Variants in HACD3 observed in about 807,000 individuals in gnomAD.
HACD3 encodes the protein 3-hydroxyacyl-CoA dehydratase 3.
A neutral mutation model predicts 55.2 loss-of-function variants in HACD3; 30 were observed. The observed-to-expected ratio is 0.54, with a 90% CI of 0.41 to 0.74. HACD3 has a LOEUF of 0.74. HACD3 is among the 30% of genes least tolerant of loss of function. The probability of loss-of-function intolerance (pLI) is 0.00; values close to 1 mark genes in which losing one functional copy is unlikely to be tolerated. For synonymous variants in HACD3, 141 were observed against 151.7 expected (o/e 0.93, Z 0.52); for missense variants, 363 against 440.1 (o/e 0.82, Z 1.57).
At chr15:65,568,716 A>G (rs2072317995) in intron 7 of HACD3, among the ~76,000 whole-genome samples, 1 of 152,196 alleles carries the variant, frequency 6.6e-6, no homozygotes, top group African/African-American at 2.4e-5. Context: ...CAAAAGGTCG[A>G]GAATATTCTT....
At chr15:65,547,521 ATTGT>A (rs1567333621) in intron 1 of HACD3, among the ~76,000 whole-genome samples, 1 of 152,214 alleles carries the variant, frequency 6.6e-6, no homozygotes, top group African/African-American at 2.4e-5. Flanking sequence ...CATAAATCAC[ATTGT>A]TTGTAGGCAC....
Position 65,554,892 on chromosome 15 carries a change from G to C in HACD3, c.136G>C (p.Gly46Arg). The C allele has an allele frequency of 6.2e-7, 1 of 1,611,154 alleles. No homozygotes were observed. The highest frequency in any genetic ancestry group is 8.5e-7 in the Non-Finnish European group (1 of 1,177,390). The change falls in exon 3 of 11, where the codon GGA becomes CGA. Residue 46 changes from glycine to arginine, a missense_variant. By Grantham distance (125) the Gly-to-Arg change is moderately radical. Coordinates refer to ENST00000261875, the MANE Select transcript of HACD3 (RefSeq NM_016395.4). ...TENVLHFKAQ[G>R]HGAKGDNVYE... ...CCACATTTCTTTCTTTATAGCTCAA[G>C]GACATGGTGCCAAAGGAGACAATGT...
At chr15:65,537,954 AAAAAATATATATAT>A (rs1460735289) in intron 1 of HACD3, among the ~76,000 whole-genome samples, 3 of 8,212 alleles carry the variant, frequency 3.7e-4, no homozygotes, top group African/African-American at 1.1e-3. Flanking sequence ...AAAAAAAAAA[AAAAAATATATATAT>A]ATATATATAT....
chr15:65,569,952 C>T, intron 7 of HACD3, 139 bp from the exon 8 acceptor site: 1 of 514,680 alleles, frequency 1.9e-6, no homozygotes, highest in Non-Finnish European at 3.3e-6. Flanking sequence ...TGTTCCAGAA[C>T]TGGAGCAGGA....
At chr15:65,571,220 AAT>A (rs2072344355) in intron 8 of HACD3, among the ~76,000 whole-genome samples, 2 of 152,218 alleles carry the variant, frequency 1.3e-5, no homozygotes, top group African/African-American at 4.8e-5. Context: ...CTTATCCAGA[AAT>A]AAAGTATCTA....
chr15:65,557,870 T>C (rs1319593044), intron 4 of HACD3, among the ~76,000 whole-genome samples: 2 of 152,158 alleles, frequency 1.3e-5, no homozygotes, highest in Non-Finnish European at 1.5e-5. Flanking sequence ...CCTTTGGTTA[T>C]GTCCTCATCC....
intron 10 of HACD3, among the ~76,000 whole-genome samples, chr15:65,572,837 C>T (rs771140049): frequency 2.0e-5 from 3 of 150,732 alleles, no homozygotes; most frequent in Non-Finnish European, 4.4e-5. Flanking sequence ...ATCGCTTGAA[C>T]CCGGGAGGCA....
At chr15:65,555,814 C>T (rs891565576) in intron 3 of HACD3, among the ~76,000 whole-genome samples, 3 of 152,076 alleles carry the variant, frequency 2.0e-5, no homozygotes, top group African/African-American at 2.4e-5. Context: ...TTTCTAAAAC[C>T]GGGGTCTGCT....
intron 10 of HACD3, chr15:65,574,667 T>G (rs922508429): frequency 3.3e-5 from 5 of 152,190 alleles, no homozygotes; most frequent in African/African-American, 1.2e-4. Context: ...AGATGTACAG[T>G]TAAATAGTAT....
At chr15:65,550,040 G>A (rs551752790) in intron 1 of HACD3, among the ~76,000 whole-genome samples, 2 of 152,264 alleles carry the variant, frequency 1.3e-5, no homozygotes, top group South Asian at 2.1e-4. Context: ...GATAGAAAGG[G>A]CAGTTCATAA....
rs771685920 is a variant in HACD3 at position 65,577,829 on chromosome 15, G to C, written c.*1450G>C. The C allele has an allele frequency of 4.6e-5, 7 of 152,566 alleles. No individual in the cohort carries two copies. The highest frequency in any genetic ancestry group is 1.0e-4 in the Non-Finnish European group (7 of 68,038). The allele number at this position is 152,566 out of a possible 1,614,324, so 9.5% of individuals were successfully genotyped here. A position where few individuals can be genotyped will look rare whatever the true frequency, so the allele number is the denominator to read the frequency against. On this transcript the variant is annotated 3_prime_UTR_variant, in exon 11 of 11. Transcript: ENST00000261875. ...CGCTGATCCTTTAACAAGGATTTCT[G>C]GCAGGAAACTCACAAAAAGGAGAAC...
At chr15:65,544,941 A>C (rs2072059723) in intron 1 of HACD3, among the ~76,000 whole-genome samples, 1 of 151,878 alleles carries the variant, frequency 6.6e-6, no homozygotes, top group South Asian at 2.1e-4. Context: ...GAATTGCTTG[A>C]ACCCGGGAGG....
chr15:65,578,345 C>A lies in HACD3; in HGVS notation c.*1966C>A, dbSNP rs529094277. On this transcript the variant is annotated 3_prime_UTR_variant, in exon 11 of 11. Transcript: ENST00000261875. ...GTATTTCTATTAAAACATTTACAATCAAAATTCTAATGACTGTGCTTAAAG... is the reference window on the plus strand; with the variant it reads ...GTATTTCTATTAAAACATTTACAATAAAAATTCTAATGACTGTGCTTAAAG... 1 of 152,316 alleles carries A rather than the reference C, an allele frequency of 6.6e-6. No individual in the cohort carries two copies. The highest frequency in any genetic ancestry group is 2.1e-4 in the South Asian group (1 of 4,830). 9.4% of individuals were successfully genotyped at this position (152,316 alleles called of 1,614,324 possible).
chr15:65,533,743 T>TA (rs1282866617), intron 1 of HACD3, among the ~76,000 whole-genome samples: 1 of 39,242 alleles, frequency 2.5e-5, no homozygotes, highest in Middle Eastern at 0.013. Context: ...GATTTGTTAT[T>TA]TAAAAAAAAA....
intron 1 of HACD3, among the ~76,000 whole-genome samples, chr15:65,536,006 G>T (rs1478123908): frequency 4.6e-5 from 7 of 150,810 alleles, no homozygotes; most frequent in African/African-American, 1.7e-4. Flanking sequence ...TTACTATTGT[G>T]ATTGTTTATT....
chr15:65,544,514 A>G (rs572197890), intron 1 of HACD3, among the ~76,000 whole-genome samples: 1 of 152,338 alleles, frequency 6.6e-6, no homozygotes, highest in Non-Finnish European at 1.5e-5. Flanking sequence ...GAAACTAGGA[A>G]AAGTGTACAA....
chr15:65,564,467 G>T (rs12916360), intron 7 of HACD3, 125 bp downstream of exon 7: 205,679 of 1,249,018 alleles, frequency 0.16, 24,416 homozygotes, highest in East Asian at 0.7. Context: ...GTTTACAAAA[G>T]AAAGAGGTTT....
intron 3 of HACD3, 85 bp from the exon 4 acceptor site, chr15:65,556,654 G>A: frequency 7.5e-7 from 1 of 1,331,006 alleles, no homozygotes; most frequent in Non-Finnish European, 1.0e-6. Flanking sequence ...AATATATCCT[G>A]CAGCTTCTAT....
intron 1 of HACD3, among the ~76,000 whole-genome samples, chr15:65,533,741 A>AT (rs2071925919): frequency 8.1e-5 from 3 of 36,818 alleles, no homozygotes; most frequent in South Asian, 1.7e-3. Context: ...CAGATTTGTT[A>AT]TTTAAAAAAA....
Sources: gnomAD v4.1 joint callset for allele counts (sites outside exome capture counted in the v4.1 genomes callset) on GRCh38, gnomAD v4.1.1 for gene constraint, MANE v1.5 for transcripts, NCBI Gene and HGNC (gene_info 2026-07-23, HGNC 2026-07-21) for gene names.